Variants in C1GALT1 observed in about 807,000 individuals in gnomAD.
C1GALT1 encodes the protein glycoprotein-N-acetylgalactosamine 3-beta-galactosyltransferase 1.
In C1GALT1, 11 loss-of-function variants were observed where a neutral mutation model predicts 31.0. That is an observed-to-expected ratio of 0.36 (90% confidence interval 0.22 to 0.59). The LOEUF (loss-of-function observed/expected upper bound fraction) is 0.59. C1GALT1 is among the 20% of genes least tolerant of loss of function. C1GALT1 has a pLI of 0.79. For missense variants in C1GALT1, 424 were observed against 425.2 expected (o/e 1.00, Z 0.03); for synonymous variants, 175 against 143.6 (o/e 1.22, Z -1.56).
Position 7,193,710 on chromosome 7 carries a change from A to T in C1GALT1, c.-18+10890A>T, listed in dbSNP as rs555633939. ...TAGGATTGTTCTCCCTAGCTCTGCA[A>T]AGAATGATGGTGACATTTTGATAGG... On this transcript the variant is annotated intron_variant, in intron 1 of 3. Coordinates refer to ENST00000436587, the MANE Select transcript of C1GALT1 (RefSeq NM_020156.5). 3.9e-5 allele frequency among the ~76,000 whole-genome samples: 6 copies of T among 152,252 alleles called. No homozygotes were observed. The South Asian group carries it at 1.2e-3, about 32-fold the overall frequency.
chr7:7,189,977 C>T lies in C1GALT1; in HGVS notation c.-18+7157C>T, dbSNP rs1243810212. Among the ~76,000 whole-genome samples the T allele has an allele frequency of 4.6e-5, 7 of 152,004 alleles. No individual in the cohort carries two copies. In the East Asian group the frequency reaches 9.7e-4, roughly 21 times the overall value. On this transcript the variant is annotated intron_variant, in intron 1 of 3. Coordinates refer to ENST00000436587, the MANE Select transcript of C1GALT1 (RefSeq NM_020156.5). ...ATGCTGTTTATTATGTATTAAATTT[C>T]CACATGAATTTTTGTTTTCCATAGA...
At chr7:7,219,276 A>T (rs182430798) in intron 1 of C1GALT1, among the ~76,000 whole-genome samples, 120 of 152,364 alleles carry the variant, frequency 7.9e-4, no homozygotes, top group African/African-American at 2.8e-3. Flanking sequence ...GATATGTATC[A>T]TTGTACATTT....
intron 2 of C1GALT1, among the ~76,000 whole-genome samples, chr7:7,170,822 G>C (rs1025680748): frequency 6.6e-6 from 1 of 152,140 alleles, no homozygotes; most frequent in Non-Finnish European, 1.5e-5. Flanking sequence ...TAATATGTGT[G>C]TTTTCATTTT....
chr7:7,185,825 G>A (rs1780787785), intron 1 of C1GALT1, among the ~76,000 whole-genome samples: 1 of 152,172 alleles, frequency 6.6e-6, no homozygotes, highest in African/African-American at 2.4e-5. Flanking sequence ...CAGTTGCACG[G>A]TTTATCTTTT....
chr7:7,200,617 T>C (rs1271180184), intron 1 of C1GALT1, among the ~76,000 whole-genome samples: 1 of 152,232 alleles, frequency 6.6e-6, no homozygotes, highest in South Asian at 2.1e-4. Flanking sequence ...ATTCTCCCTG[T>C]CACTTTCAGG....
At chr7:7,170,179 T>C (rs544138912) in intron 2 of C1GALT1, among the ~76,000 whole-genome samples, 51 of 152,362 alleles carry the variant, frequency 3.3e-4, no homozygotes, top group African/African-American at 1.2e-3. Flanking sequence ...CTTTCTTTTT[T>C]CTTTTGTCAG....
chr7:7,170,613 T>A (rs62453512), intron 2 of C1GALT1, among the ~76,000 whole-genome samples: 20,894 of 152,072 alleles, frequency 0.14, 1,798 homozygotes, highest in Middle Eastern at 0.26. Context: ...TGAAACCCCA[T>A]CTCTACTAAA....
chr7:7,217,030 G>A (rs1184408813), intron 1 of C1GALT1, among the ~76,000 whole-genome samples: 2 of 152,114 alleles, frequency 1.3e-5, no homozygotes, highest in African/African-American at 2.4e-5. Context: ...AAAATTTGGC[G>A]ACAGGGTAGA....
intron 1 of C1GALT1, among the ~76,000 whole-genome samples, chr7:7,188,112 T>C (rs761514608): frequency 2.0e-5 from 3 of 151,842 alleles, no homozygotes; most frequent in Non-Finnish European, 4.4e-5. Context: ...ATACTAGAAA[T>C]GGAGAGGAGA....
chr7:7,212,461 C>T (rs7803689), intron 1 of C1GALT1, among the ~76,000 whole-genome samples: 6,213 of 152,148 alleles, frequency 0.041, 280 homozygotes, highest in African/African-American at 0.12. Context: ...ACTATATTGC[C>T]ATAAGTTAAG....
intron 2 of C1GALT1, among the ~76,000 whole-genome samples, chr7:7,167,286 A>G (rs759615222): frequency 6.6e-6 from 1 of 152,224 alleles, no homozygotes; most frequent in Non-Finnish European, 1.5e-5. Flanking sequence ...CCGAATGGCA[A>G]TCCAAACTAG....
chr7:7,242,210 CTT>C (rs79025784), intron 3 of C1GALT1, among the ~76,000 whole-genome samples: 32,220 of 132,136 alleles, frequency 0.24, 4,001 homozygotes, highest in Middle Eastern at 0.36. Flanking sequence ...TGAAATTTCA[CTT>C]TTTTTTTTTT....
At chr7:7,223,224 T>C (rs1782592979) in intron 1 of C1GALT1, among the ~76,000 whole-genome samples, 2 of 152,218 alleles carry the variant, frequency 1.3e-5, no homozygotes, top group Admixed American at 1.3e-4. Context: ...AGTGGCGCGA[T>C]CTTGGCTCAC....
chr7:7,166,021 C>A (rs116808277), intron 2 of C1GALT1, among the ~76,000 whole-genome samples: 3,293 of 152,266 alleles, frequency 0.022, 118 homozygotes, highest in African/African-American at 0.075. Context: ...ACTCTGAAGT[C>A]CAAAATACTT....
chr7:7,206,088 G>C (rs755195177), intron 1 of C1GALT1, among the ~76,000 whole-genome samples: 1 of 151,948 alleles, frequency 6.6e-6, no homozygotes, highest in Non-Finnish European at 1.5e-5. Flanking sequence ...CTTAATTTCA[G>C]TAACATAAAA....
At chr7:7,224,083 CT>C (rs1562586288) in intron 1 of C1GALT1, among the ~76,000 whole-genome samples, 1 of 152,126 alleles carries the variant, frequency 6.6e-6, no homozygotes, top group African/African-American at 2.4e-5. Flanking sequence ...TTGAACCATC[CT>C]TACATACTCA....
intron 3 of C1GALT1, among the ~76,000 whole-genome samples, chr7:7,242,019 T>C (rs796511361): frequency 1.3e-5 from 2 of 152,026 alleles, no homozygotes; most frequent in African/African-American, 4.8e-5. Context: ...AAGTTTAATA[T>C]GCACTGGACA....
chr7:7,223,751 CTCTT>C (rs535623057), intron 1 of C1GALT1, among the ~76,000 whole-genome samples: 82 of 152,188 alleles, frequency 5.4e-4, no homozygotes, highest in Non-Finnish European at 1.0e-3. Context: ...CCTTTTCATT[CTCTT>C]TTTTATTTTT....
At chr7:7,212,821 G>A (rs1435161387) in intron 1 of C1GALT1, among the ~76,000 whole-genome samples, 2 of 152,134 alleles carry the variant, frequency 1.3e-5, no homozygotes, top group Non-Finnish European at 2.9e-5. Context: ...ATGTTACAAA[G>A]TACATTCACA....
Sources: gnomAD v4.1 joint callset for allele counts (sites outside exome capture counted in the v4.1 genomes callset) on GRCh38, gnomAD v4.1.1 for gene constraint, MANE v1.5 for transcripts, NCBI Gene and HGNC (gene_info 2026-07-23, HGNC 2026-07-21) for gene names.